IGSF3: variants seen among roughly 807,000 people sequenced by gnomAD.
The protein encoded by IGSF3 is glu-Trp-Ile EWI motif-containing protein 3.
Under a neutral mutation model 114.4 loss-of-function variants are expected in IGSF3, and 23 were observed. The observed-to-expected ratio is 0.20, with a 90% confidence interval of 0.14 to 0.28. The LOEUF is 0.28. Among genes scored for constraint, IGSF3 ranks in the 10% least tolerant of loss-of-function variants. The pLI is 1.00. For missense variants in IGSF3, 1,172 were observed against 1,591.5 expected (o/e 0.74, Z 4.48); for synonymous variants, 571 against 645.2 (o/e 0.88, Z 1.74).
rs2101067765 is a variant in IGSF3 at position 116,649,543 on chromosome 1, C to T, written c.43+16741G>A. Among the ~76,000 whole-genome samples, 1 of 152,324 alleles carries T rather than the reference C, an allele frequency of 6.6e-6. No individual in the cohort carries two copies. The highest frequency in any genetic ancestry group is 2.4e-5 in the African/African-American group (1 of 41,558). On this transcript the variant is annotated intron_variant, in intron 2 of 10. Transcript: ENST00000369486. The surrounding 1 kb of genome is among the most constrained non-coding windows in gnomAD (Gnocchi z 4.5). ...AAAATCTTCCTCTTCCATCTTCCTC[C>T]CCTAGATATCCATCTTACCCTTCTT...
At chr1:116,653,316 C>A (rs1648709034) in intron 2 of IGSF3, among the ~76,000 whole-genome samples, 1 of 152,206 alleles carries the variant, frequency 6.6e-6, no homozygotes, top group Non-Finnish European at 1.5e-5. Context: ...ATAGCACCAG[C>A]TCTAGGACAT....
Position 116,584,856 on chromosome 1 carries a change from T to A in IGSF3, c.2637A>T (p.Gly879=). ...RLSRDATFHY[G]EQAAKNNLKG... is the part of the protein sequence containing the mutation. ...TCAGATTGTTCTTGGCTGCCTGCTC[T>A]CCATAGTGGAAGGTGGCGTCACGGC... The change falls in exon 9 of 11, where the codon GGA becomes GGT. Residue 879 remains glycine, a synonymous_variant. Transcript: ENST00000369486. The surrounding 1 kb of genome is among the most constrained non-coding windows in gnomAD (Gnocchi z 5.8). The A allele has an allele frequency of 1.9e-6, 3 of 1,614,230 alleles. 1 individual carries two copies. In the South Asian group the frequency reaches 3.3e-5, roughly 18 times the overall value.
At chr1:116,611,679 G>T (rs2101483524) in intron 4 of IGSF3, among the ~76,000 whole-genome samples, 1 of 152,102 alleles carries the variant, frequency 6.6e-6, no homozygotes, top group Non-Finnish European at 1.5e-5. Context: ...TCCAGACTCA[G>T]TTCAACTCAA....
intron 2 of IGSF3, among the ~76,000 whole-genome samples, chr1:116,643,455 C>T (rs1648202679): frequency 6.6e-6 from 1 of 152,270 alleles, no homozygotes; most frequent in African/African-American, 2.4e-5. Flanking sequence ...GTCTGGACTC[C>T]CAGCTGCTCC....
rs1326892418 is a variant in IGSF3, at chr1:116,647,035, G to A, written c.43+19249C>T. The A allele has an allele frequency of 2.0e-5, 3 of 152,592 alleles. No individual in the cohort carries two copies. The highest frequency in any genetic ancestry group is 4.4e-5 in the Non-Finnish European group (3 of 68,304). The allele number at this position is 152,592 out of a possible 1,614,324, so 9.5% of individuals were successfully genotyped here. On this transcript the variant is annotated intron_variant, in intron 2 of 10. Transcript: ENST00000369486. This position sits in a 1 kb window ranked among gnomAD's most constrained non-coding sequence, Gnocchi z 4.6. ...AAACAAAGGAAATCCTAAAGAGCAG[G>A]CGAGAGAACAGTGGAACTGGCAGAG...
At position 116,577,203 on chromosome 1, in the gene IGSF3, C is replaced by T. The variant is rs2101274921; in HGVS notation, c.*109G>A. ...TTGGAACACTTTTCAAGTCTGACAA[C>T]TTTCCACACACATGCACCCCAGAGT... On this transcript the variant is annotated 3_prime_UTR_variant, in exon 11 of 11. Transcript: ENST00000369486. This position sits in a 1 kb window ranked among gnomAD's most constrained non-coding sequence, Gnocchi z 5.7. The T allele has an allele frequency of 7.9e-7, 1 of 1,271,260 alleles. No individual in the cohort carries two copies. Among genetic ancestry groups the T allele is most frequent in the Admixed American group, 2.6e-5 (1 of 39,014 alleles). The allele number at this position is 1,271,260 out of a possible 1,614,324, so 78.7% of individuals were successfully genotyped here.
At chr1:116,586,652 CAGAG>C (rs1451016129) in intron 8 of IGSF3, among the ~76,000 whole-genome samples, 1 of 152,056 alleles carries the variant, frequency 6.6e-6, no homozygotes, top group East Asian at 1.9e-4. Flanking sequence ...ATTGTAGTCT[CAGAG>C]AGGGAAATCC....
In IGSF3 at chr1:116,661,880, A is replaced by T. The variant is rs986005519; in HGVS notation, c.43+4404T>A. On this transcript the variant is annotated intron_variant, in intron 2 of 10. Coordinates refer to ENST00000369486, the MANE Select transcript of IGSF3 (RefSeq NM_001007237.3). This position sits in a 1 kb window ranked among gnomAD's most constrained non-coding sequence, Gnocchi z 4.0. ...ATGAGAATGTTAGTGGAAGTGATGT[A>T]TATAACTTCCAGGAAGTATCCTTAC... Among the ~76,000 whole-genome samples, 1 of 152,200 alleles carries T rather than the reference A, an allele frequency of 6.6e-6. No individual in the cohort carries two copies. Among genetic ancestry groups the T allele is most frequent in the Non-Finnish European group, 1.5e-5 (1 of 68,042 alleles).
At chr1:116,630,042 C>T (rs1410250684) in intron 2 of IGSF3, among the ~76,000 whole-genome samples, 1 of 152,214 alleles carries the variant, frequency 6.6e-6, no homozygotes, top group Non-Finnish European at 1.5e-5. Context: ...CTGACTTACA[C>T]AGAGCCAAGG....
Position 116,634,848 on chromosome 1 carries a change from C to T in IGSF3, c.44-18391G>A, listed in dbSNP as rs768257495. Among the ~76,000 whole-genome samples the T allele has an allele frequency of 2.6e-4, 40 of 152,204 alleles. No individual in the cohort carries two copies. The highest frequency in any genetic ancestry group is 3.8e-4 in the Non-Finnish European group (26 of 68,002). ...GCTCTCCTGGGACACACATTTGGAG[C>T]CTGAGTTGCGGTGTAAGCCATCTGC... On this transcript the variant is annotated intron_variant, in intron 2 of 10. Coordinates refer to ENST00000369486, the MANE Select transcript of IGSF3 (RefSeq NM_001007237.3). The surrounding 1 kb of genome is among the most constrained non-coding windows in gnomAD (Gnocchi z 4.2).
At chr1:116,667,405 G>A (rs1448062102) in intron 1 of IGSF3, among the ~76,000 whole-genome samples, 4 of 152,120 alleles carry the variant, frequency 2.6e-5, no homozygotes, top group South Asian at 2.1e-4. Flanking sequence ...AAAAGAAACC[G>A]GGGAAGAAGG....
Position 116,616,584 on chromosome 1 carries a change from C to T in IGSF3, c.44-127G>A. 3 of 695,336 alleles carry T rather than the reference C, an allele frequency of 4.3e-6. No individual in the cohort carries two copies. The highest frequency in any genetic ancestry group is 4.7e-6 in the Non-Finnish European group (2 of 426,940). 43.1% of individuals were successfully genotyped at this position (695,336 alleles called of 1,614,324 possible). ...TAATAATATAAACAGCTTACTGGCCCTTTCAAAGGCGCTTTGTGATTTATA... is the reference window on the plus strand; with the variant it reads ...TAATAATATAAACAGCTTACTGGCCTTTTCAAAGGCGCTTTGTGATTTATA... On this transcript the variant is annotated intron_variant, in intron 2 of 10. Transcript: ENST00000369486. This position sits in a 1 kb window ranked among gnomAD's most constrained non-coding sequence, Gnocchi z 6.6.
In IGSF3 at chr1:116,579,292, TAAG is replaced by T. The variant is rs1010066990; in HGVS notation, c.3334+97_3334+99del. 10 of 1,439,836 alleles carry T rather than the reference TAAG, an allele frequency of 6.9e-6. No homozygotes were observed. The African/African-American group carries it at 1.3e-4, about 18-fold the overall frequency. The allele number at this position is 1,439,836 out of a possible 1,614,324, so 89.2% of individuals were successfully genotyped here. Reference sequence around the variant, plus strand: ...CCTACTAATAAATGCCCATGACAGTTAAGAAAACTGTTTATTAACCCATAATCA... The same window carrying T: ...CCTACTAATAAATGCCCATGACAGTTAAAACTGTTTATTAACCCATAATCA... On this transcript the variant is annotated intron_variant, in intron 10 of 10. Transcript: ENST00000369486. The surrounding 1 kb of genome is among the most constrained non-coding windows in gnomAD (Gnocchi z 6.4).
At chr1:116,621,470 C>T (rs532201095) in intron 2 of IGSF3, among the ~76,000 whole-genome samples, 5 of 152,302 alleles carry the variant, frequency 3.3e-5, no homozygotes, top group African/African-American at 9.6e-5. Flanking sequence ...CCCTTTCCCC[C>T]CAACAACATC....
At chr1:116,611,876 A>G in intron 4 of IGSF3, among the ~76,000 whole-genome samples, 1 of 152,030 alleles carries the variant, frequency 6.6e-6, no homozygotes, top group Non-Finnish European at 1.5e-5. Flanking sequence ...AGTGCTAGTC[A>G]TCTTTGAAGC....
intron 2 of IGSF3, among the ~76,000 whole-genome samples, chr1:116,640,145 A>C (rs965532866): frequency 2.6e-5 from 4 of 152,212 alleles, no homozygotes; most frequent in African/African-American, 9.7e-5. Context: ...AGCTCCAGTC[A>C]AGAAAATGAC....
rs1661319997 is a variant in IGSF3, at chr1:116,618,961, A to C, written c.44-2504T>G. ...ACTGGAATCACCTGGGGAGCTTTAA[A>C]GAACTAACAGTGCCTGGACCCCACC... On this transcript the variant is annotated intron_variant, in intron 2 of 10. Coordinates refer to ENST00000369486, the MANE Select transcript of IGSF3 (RefSeq NM_001007237.3). This position sits in a 1 kb window ranked among gnomAD's most constrained non-coding sequence, Gnocchi z 4.7. Among the ~76,000 whole-genome samples the C allele has an allele frequency of 6.6e-6, 1 of 152,192 alleles. No homozygotes were observed. The highest frequency in any genetic ancestry group is 2.1e-4 in the South Asian group (1 of 4,828).
chr1:116,639,128 G>C (rs1647965669), intron 2 of IGSF3, among the ~76,000 whole-genome samples: 1 of 152,200 alleles, frequency 6.6e-6, no homozygotes, highest in Non-Finnish European at 1.5e-5. Flanking sequence ...AGGGACAGGT[G>C]AGGCACAGGC....
chr1:116,579,843 A>G lies in IGSF3; in HGVS notation c.2883T>C (p.Asn961=). ...ASLQVDTVVP[N]ATVSEKAAFQ... The stretch of plus-strand genomic sequence containing the variant: ...AAGCTGCCTTCTCAGAGACCGTGGC[A>G]TTGGGGACCACTGTGTCCACCTGCA... Residue 961 remains asparagine (N), a synonymous_variant, in exon 10 of 11, where the codon AAT becomes AAC. Coordinates refer to ENST00000369486, the MANE Select transcript of IGSF3 (RefSeq NM_001007237.3). This position sits in a 1 kb window ranked among gnomAD's most constrained non-coding sequence, Gnocchi z 6.4. The G allele has an allele frequency of 1.2e-6, 2 of 1,611,482 alleles. No individual in the cohort carries two copies. Among genetic ancestry groups the G allele is most frequent in the Admixed American group, 1.7e-5 (1 of 60,016 alleles).
Sources: allele counts gnomAD v4.1 joint callset (sites outside exome capture counted in the v4.1 genomes callset), GRCh38; gene constraint gnomAD v4.1.1; non-coding constraint Gnocchi (gnomAD v3.1); transcripts MANE v1.5; gene names NCBI Gene and HGNC (gene_info 2026-07-23, HGNC 2026-07-21).